Variants in PHACTR1 observed in about 807,000 individuals in gnomAD.
PHACTR1 encodes the protein RPEL repeat containing 1.
In PHACTR1, 16 loss-of-function variants were observed where a neutral mutation model predicts 69.2. That is an observed-to-expected ratio of 0.23 (90% CI 0.16 to 0.35). The LOEUF (loss-of-function observed/expected upper bound fraction) is 0.35, where lower values mean the gene tolerates loss of function less well. PHACTR1 is among the 10% of genes least tolerant of loss of function. PHACTR1 has a pLI of 1.00. For missense variants in PHACTR1, 510 were observed against 734.7 expected (o/e 0.69, Z 3.54); for synonymous variants, 312 against 284.5 (o/e 1.10, Z -0.97).
At chr6:13,144,533 T>G (rs994148449) in intron 5 of PHACTR1, among the ~76,000 whole-genome samples, 1 of 152,140 alleles carries the variant, frequency 6.6e-6, no homozygotes. Flanking sequence ...CCTAAATTGA[T>G]CTCAAGATTC....
intron 4 of PHACTR1, among the ~76,000 whole-genome samples, chr6:12,961,586 GA>G (rs1426816230): frequency 6.6e-6 from 1 of 152,172 alleles, no homozygotes; most frequent in Non-Finnish European, 1.5e-5. Context: ...AACTATTTGG[GA>G]TTAAAGAAAT....
At chr6:13,102,251 A>G (rs185348738) in intron 5 of PHACTR1, among the ~76,000 whole-genome samples, 5 of 152,316 alleles carry the variant, frequency 3.3e-5, no homozygotes, top group African/African-American at 9.6e-5. Flanking sequence ...AACAAGTACA[A>G]TCAAGTTTCA....
At chr6:12,933,818 G>T in intron 4 of PHACTR1, 1 of 1,612,766 alleles carries the variant, frequency 6.2e-7, no homozygotes. Flanking sequence ...CTCTACTCAG[G>T]GTATGAGCCC....
At chr6:13,069,799 C>T (rs1809234860) in intron 5 of PHACTR1, among the ~76,000 whole-genome samples, 1 of 152,148 alleles carries the variant, frequency 6.6e-6, no homozygotes, top group Admixed American at 6.5e-5. Flanking sequence ...CCTTTCCATG[C>T]CTTATGGACT....
At chr6:12,770,209 C>G (rs180722039) in intron 4 of PHACTR1, among the ~76,000 whole-genome samples, 34 of 152,344 alleles carry the variant, frequency 2.2e-4, no homozygotes, top group Non-Finnish European at 5.9e-5. Context: ...GACTAGTACT[C>G]CAGGTATTAA....
intron 10 of PHACTR1, among the ~76,000 whole-genome samples, chr6:13,268,381 C>G (rs1416265721): frequency 6.6e-6 from 1 of 152,184 alleles, no homozygotes; most frequent in African/African-American, 2.4e-5. Flanking sequence ...ATAGTTATGG[C>G]AGACAAAATA....
chr6:12,988,858 G>A (rs953525770), intron 4 of PHACTR1, among the ~76,000 whole-genome samples: 25 of 152,328 alleles, frequency 1.6e-4, no homozygotes, highest in African/African-American at 6.0e-4. Flanking sequence ...CAGGAGTTTT[G>A]AGAGGATCAA....
chr6:13,095,816 A>G (rs778649675), intron 5 of PHACTR1, among the ~76,000 whole-genome samples: 2 of 120,160 alleles, frequency 1.7e-5, no homozygotes, highest in Non-Finnish European at 3.1e-5. Flanking sequence ...TGGGTAACCT[A>G]TCTAGAGGAA....
At chr6:12,955,840 A>G (rs561414755) in intron 4 of PHACTR1, among the ~76,000 whole-genome samples, 2 of 152,280 alleles carry the variant, frequency 1.3e-5, no homozygotes, top group Non-Finnish European at 2.9e-5. Flanking sequence ...CAAGAGTAGG[A>G]GACCCGTCTT....
At chr6:13,024,093 A>AG (rs397784287) in intron 4 of PHACTR1, among the ~76,000 whole-genome samples, 7 of 151,424 alleles carry the variant, frequency 4.6e-5, no homozygotes, top group African/African-American at 1.7e-4. Flanking sequence ...AAAAAAAAAA[A>AG]CGGGAATAAC....
At chr6:12,932,903 C>A (rs1789021377) in intron 4 of PHACTR1, among the ~76,000 whole-genome samples, 1 of 151,006 alleles carries the variant, frequency 6.6e-6, no homozygotes, top group African/African-American at 2.4e-5. Flanking sequence ...ATGTATCTAA[C>A]TATACAGCCA....
chr6:12,953,547 C>A (rs1227974777), intron 4 of PHACTR1, among the ~76,000 whole-genome samples: 1 of 152,174 alleles, frequency 6.6e-6, no homozygotes, highest in Non-Finnish European at 1.5e-5. Context: ...TACACATCAA[C>A]TTGTCTAAAC....
chr6:12,882,711 G>A (rs992348519), intron 4 of PHACTR1, among the ~76,000 whole-genome samples: 9 of 152,126 alleles, frequency 5.9e-5, no homozygotes, highest in South Asian at 2.1e-4. Flanking sequence ...AAACCCTATC[G>A]CCCTTCTGGA....
At chr6:13,203,874 G>A (rs1765560846) in intron 7 of PHACTR1, among the ~76,000 whole-genome samples, 1 of 152,166 alleles carries the variant, frequency 6.6e-6, no homozygotes, top group African/African-American at 2.4e-5. Flanking sequence ...TCCTCACTGG[G>A]ATAGGGAGAG....
At chr6:13,253,957 G>A (rs952354794) in intron 10 of PHACTR1, among the ~76,000 whole-genome samples, 1 of 152,222 alleles carries the variant, frequency 6.6e-6, no homozygotes, top group African/African-American at 2.4e-5. Context: ...GCTGGGTGCA[G>A]TGGCTCATGC....
intron 11 of PHACTR1, chr6:13,273,176 A>G: frequency 2.2e-6 from 1 of 453,952 alleles, no homozygotes; most frequent in Non-Finnish European, 3.9e-6. Context: ...AGTCAGAGAG[A>G]AGCTGAAAAA....
At chr6:13,271,322 G>A (rs1777667806) in intron 10 of PHACTR1, among the ~76,000 whole-genome samples, 1 of 152,262 alleles carries the variant, frequency 6.6e-6, no homozygotes, top group East Asian at 1.9e-4. Flanking sequence ...GAGCAATGGG[G>A]ATTACCATTC....
At chr6:13,032,798 A>G (rs1001788834) in intron 4 of PHACTR1, among the ~76,000 whole-genome samples, 1 of 152,090 alleles carries the variant, frequency 6.6e-6, no homozygotes, top group Admixed American at 6.6e-5. Context: ...TTATAGAGAC[A>G]GGGTCTCACC....
In PHACTR1 at chr6:13,095,749, C is replaced by CTTT. The variant is rs140109520; in HGVS notation, c.415+42249_415+42251dup. On this transcript the variant is annotated intron_variant, in intron 5 of 14. Transcript: ENST00000332995. ...CTTTAAAGTGAATTATTGTGAAGGG[C>CTTT]TTTTTTTTTTTTTTTTTTTTTTTTT... 7.0e-3 allele frequency among the ~76,000 whole-genome samples: 539 copies of CTTT among 77,302 alleles called. 9 individuals carry two copies. The highest frequency in any genetic ancestry group is 9.2e-3 in the Non-Finnish European group (408 of 44,544). 50.7% of individuals were successfully genotyped at this position (77,302 alleles called of 152,430 possible).
Sources: gnomAD v4.1 joint callset for allele counts (sites outside exome capture counted in the v4.1 genomes callset) on GRCh38, gnomAD v4.1.1 for gene constraint, MANE v1.5 for transcripts, NCBI Gene and HGNC (gene_info 2026-07-23, HGNC 2026-07-21) for gene names.